Variants in SCN4A observed in about 807,000 individuals in gnomAD.
SCN4A encodes the protein sodium channel protein type 4 subunit alpha.
In SCN4A, 83 loss-of-function variants were observed where a neutral mutation model predicts 162.0. The observed-to-expected ratio is 0.51, with a 90% CI of 0.43 to 0.61. SCN4A has a LOEUF of 0.61. Among genes scored for constraint, SCN4A ranks in the 20% least tolerant of loss-of-function variants. The probability of loss-of-function intolerance (pLI) is 0.00; values close to 1 mark genes in which losing one functional copy is unlikely to be tolerated. For missense variants in SCN4A, 2,196 were observed against 2,462.5 expected (o/e 0.89, Z 2.29); for synonymous variants, 944 against 985.1 (o/e 0.96, Z 0.78).
intron 5 of SCN4A, among the ~76,000 whole-genome samples, chr17:63,968,750 C>T (rs906708745): frequency 6.6e-6 from 1 of 152,202 alleles, no homozygotes; most frequent in Non-Finnish European, 1.5e-5. Context: ...GGAAAAGCTG[C>T]GTTCTAGATT....
intron 16 of SCN4A, 77 bp downstream of exon 16, chr17:63,948,534 T>C: frequency 7.6e-7 from 1 of 1,313,936 alleles, no homozygotes; most frequent in Non-Finnish European, 1.1e-6. Context: ...TTCCTGTGTG[T>C]GGAGACAGGG....
chr17:63,965,958 T>C, intron 8 of SCN4A, 144 bp downstream of exon 8: 1 of 638,362 alleles, frequency 1.6e-6, no homozygotes, highest in Non-Finnish European at 2.8e-6. Context: ...CAAGCTCCTA[T>C]AAGGGCACTG....
rs373625281 is a variant in SCN4A at position 63,950,843 on chromosome 17, C to T, written c.2853+581G>A. 7.3e-4 allele frequency among the ~76,000 whole-genome samples: 111 copies of T among 152,338 alleles called. No individual in the cohort carries two copies. Among genetic ancestry groups the T allele is most frequent in the African/African-American group, 2.5e-3 (104 of 41,580 alleles). Reference sequence around the variant, plus strand: ...GGAGGGGCATCTGAGCCCAGCAGCACACCCCCTGCATGGCTGAGGGGTCAG... The same window carrying T: ...GGAGGGGCATCTGAGCCCAGCAGCATACCCCCTGCATGGCTGAGGGGTCAG... On this transcript the variant is annotated intron_variant, in intron 14 of 23. Coordinates refer to ENST00000435607, the MANE Select transcript of SCN4A (RefSeq NM_000334.4). The surrounding 1 kb of genome is among the most constrained non-coding windows in gnomAD (Gnocchi z 4.6).
rs1269627932 is a variant in SCN4A at position 63,940,862 on chromosome 17, AG to A, written c.5419del (p.Leu1807Ter). On this transcript the variant is annotated frameshift_variant, in exon 24 of 24. Transcript: ENST00000435607. LOFTEE classifies it high-confidence loss of function. ...AGTGTCTGAGGGGCTGATGGGCATC[AG>A]CCCCATAGTGGGTCCGGCGTCCCCT... ...EAGDAGPTMG[L>X]MPISPSDTAW... The A allele has an allele frequency of 2.5e-6, 4 of 1,613,080 alleles. No homozygotes were observed. In the South Asian group the frequency reaches 4.4e-5, roughly 18 times the overall value.
At chr17:63,957,778 T>C (rs1040756880) in intron 12 of SCN4A, among the ~76,000 whole-genome samples, 8 of 151,576 alleles carry the variant, frequency 5.3e-5, no homozygotes, top group African/African-American at 1.9e-4. Flanking sequence ...CCGAGGCGGG[T>C]GGATCACTTA....
rs1908499632 is a variant in SCN4A at position 63,940,899 on chromosome 17, TCTC to T, written c.5380_5382del (p.Glu1794del). The T allele has an allele frequency of 6.2e-7, 1 of 1,613,806 alleles. No individual in the cohort carries two copies. Among genetic ancestry groups the T allele is most frequent in the Non-Finnish European group, 8.5e-7 (1 of 1,179,882 alleles). On this transcript the variant is annotated inframe_deletion, in exon 24 of 24. Transcript: ENST00000435607. ...GGTCCGGCGTCCCCTGCCTCGCCCT[TCTC>T]CTCCGGGCTTGGCGAGCTGCTGTTC...
chr17:63,949,630 G>T, intron 14 of SCN4A, 102 bp from the exon 15 acceptor site: 1 of 1,329,558 alleles, frequency 7.5e-7, no homozygotes, highest in Non-Finnish European at 1.0e-6. Flanking sequence ...AAGGGAAGAA[G>T]AGAGGGAGGA....
At chr17:63,971,322 C>A (rs1354254635) in intron 4 of SCN4A, 69 bp from the exon 5 acceptor site, 6 of 856,952 alleles carry the variant, frequency 7.0e-6, no homozygotes, top group Admixed American at 4.0e-5. Context: ...GAAATCAGGG[C>A]TCCTCCAGGC....
intron 23 of SCN4A, among the ~76,000 whole-genome samples, 174 bp from the exon 24 acceptor site, chr17:63,942,167 G>A (rs757210112): frequency 2.6e-5 from 4 of 152,142 alleles, no homozygotes; most frequent in Non-Finnish European, 5.9e-5. Flanking sequence ...GGGGCCAGGG[G>A]CTGCAGCTTT....
chr17:63,947,556 C>T (rs1908765404), intron 17 of SCN4A, among the ~76,000 whole-genome samples: 1 of 152,182 alleles, frequency 6.6e-6, no homozygotes, highest in South Asian at 2.1e-4. Context: ...GAGTTCAAGA[C>T]CAGCCTGGGC....
chr17:63,941,477 T>C lies in SCN4A; in HGVS notation c.4805A>G (p.Asn1602Ser), dbSNP rs756174308. The C allele has an allele frequency of 8.7e-6, 14 of 1,613,960 alleles. No individual in the cohort carries two copies. Among genetic ancestry groups the C allele is most frequent in the South Asian group, 5.5e-5 (5 of 91,072 alleles). Reference protein sequence around the residue: ...MYIAIILENFNVATEESSEPL... With the variant: ...MYIAIILENFSVATEESSEPL... ...CTCGCTGCTCTCCTCTGTGGCCACA[T>C]TGAAGTTCTCCAGGATGATGGCGAT... Residue 1602 changes from asparagine to serine, a missense_variant, in exon 24 of 24, where the codon AAT (asparagine) becomes AGT (serine). Physicochemically the swap from Asn to Ser is conservative, Grantham distance 46 (BLOSUM62 1). Coordinates refer to ENST00000435607, the MANE Select transcript of SCN4A (RefSeq NM_000334.4). The surrounding 1 kb of genome is among the most constrained non-coding windows in gnomAD (Gnocchi z 6.2).
At chr17:63,965,301 C>A (rs1286035674) in intron 8 of SCN4A, among the ~76,000 whole-genome samples, 48 of 152,144 alleles carry the variant, frequency 3.2e-4, no homozygotes, top group Admixed American at 3.1e-3. Flanking sequence ...GCCTCGGCCT[C>A]CCATAGTGCT....
intron 12 of SCN4A, 70 bp from the exon 13 acceptor site, chr17:63,957,588 AGAAAGAACAGTGTC>A: frequency 9.7e-7 from 1 of 1,032,334 alleles, no homozygotes; most frequent in Non-Finnish European, 1.4e-6. Flanking sequence ...CAGCCTTAGG[AGAAAGAACAGTGTC>A]GAGTAGCTTG....
In SCN4A at chr17:63,966,514, T is replaced by A. The variant is rs1047471269; in HGVS notation, c.1067A>T (p.Asp356Val). The A allele has an allele frequency of 1.5e-5, 24 of 1,613,908 alleles. No individual in the cohort carries two copies. Among genetic ancestry groups the A allele is most frequent in the Non-Finnish European group, 1.8e-5 (21 of 1,179,840 alleles). Residue 356 changes from aspartate to valine, a missense_variant, in exon 7 of 24, where the codon GAT becomes GTT. Physicochemically the swap from Asp to Val is radical, Grantham distance 152. Coordinates refer to ENST00000435607, the MANE Select transcript of SCN4A (RefSeq NM_000334.4). ...ACTGCTGTTCCCACAGAGCAGGGCA[T>A]CGTTGGAGCCCTCCAGGAAGTAGAA... ...GNFYFLEGSN[D>V]ALLCGNSSDA...
chr17:63,971,785 A>C lies in SCN4A; in HGVS notation c.548T>G (p.Val183Gly), dbSNP rs1252451675. 6.2e-7 allele frequency: 1 copy of C among 1,613,388 alleles called. No homozygotes were observed. The highest frequency in any genetic ancestry group is 8.5e-7 in the Non-Finnish European group (1 of 1,179,644). The change falls in exon 4 of 24, where the codon GTC becomes GGC. Residue 183 changes from valine to glycine, a missense_variant. By Grantham distance (109) the Val-to-Gly change is moderately radical. Transcript: ENST00000435607. ...LIKILARGFC[V>G]DDFTFLRDPW... ...GTCCCGGAGGAATGTGAAGTCGTCG[A>C]CACAGAAGCCTCGGGCCAGTATCTT...
At chr17:63,942,074 G>C in intron 23 of SCN4A, 81 bp from the exon 24 acceptor site, 1 of 1,335,852 alleles carries the variant, frequency 7.5e-7, no homozygotes, top group South Asian at 1.5e-5. Context: ...GGGCTCAGGG[G>C]GCCCGGCCTG....
Position 63,943,777 on chromosome 17 carries a change from T to C in SCN4A, c.3986A>G (p.Lys1329Arg), listed in dbSNP as rs754942929. The C allele has an allele frequency of 1.5e-5, 25 of 1,613,176 alleles. No homozygotes were observed. The South Asian group carries it at 1.8e-4, about 11-fold the overall frequency. ...YYNAMKKLGS[K>R]KPQKPIPRPQ... is the part of the protein sequence containing the mutation. ...CCGGGGAATTGGCTTCTGAGGCTTC[T>C]TGGAGCCAAGCTTCTTCATGGCGTT... Residue 1329 changes from lysine (K) to arginine (R), a missense_variant, in exon 22 of 24, where the codon AAG becomes AGG. Lys to Arg is a conservative substitution (Grantham distance 26). Coordinates refer to ENST00000435607, the MANE Select transcript of SCN4A (RefSeq NM_000334.4).
rs558323439 is a variant in SCN4A at position 63,943,000 on chromosome 17, C to T, written c.4114G>A (p.Val1372Met). Residue 1372 changes from valine (V) to methionine (M), a missense_variant, in exon 23 of 24, where the codon GTG (valine) becomes ATG (methionine). Physicochemically the swap from Val to Met is conservative, Grantham distance 21. Coordinates refer to ENST00000435607, the MANE Select transcript of SCN4A (RefSeq NM_000334.4). ...AGCTGGCTCTGGTTGTCTGTCTCCA[C>T]CATCATGGTGACCATGTTGAGGCAG... is the stretch of plus-strand genomic sequence containing the variant. ...LICLNMVTMM[V>M]ETDNQSQLKV... The T allele has an allele frequency of 1.9e-6, 3 of 1,613,962 alleles. No homozygotes were observed. Among genetic ancestry groups the T allele is most frequent in the Non-Finnish European group, 2.5e-6 (3 of 1,179,836 alleles).
intron 9 of SCN4A, 68 bp downstream of exon 9, chr17:63,964,400 C>A: frequency 6.9e-7 from 1 of 1,446,862 alleles, no homozygotes; most frequent in Non-Finnish European, 9.7e-7. Flanking sequence ...CAGGGAGAAG[C>A]CAGTGGCAGC....
Sources: gnomAD v4.1 joint callset for allele counts (sites outside exome capture counted in the v4.1 genomes callset) on GRCh38, gnomAD v4.1.1 for gene constraint, Gnocchi (gnomAD v3.1) non-coding constraint, MANE v1.5 for transcripts, NCBI Gene and HGNC (gene_info 2026-07-23, HGNC 2026-07-21) for gene names.